SUCLG2: variants seen among roughly 807,000 people sequenced by gnomAD.
SUCLG2 encodes succinate--CoA ligase [GDP-forming] subunit beta, mitochondrial.
Under a neutral mutation model 47.9 loss-of-function variants are expected in SUCLG2, and 42 were observed. The observed-to-expected ratio is 0.88, with a 90% CI of 0.69 to 1.14. SUCLG2 has a LOEUF of 1.14. Ranked by LOEUF, SUCLG2 falls within the 50% of genes most tolerant of loss-of-function variation. SUCLG2 has a pLI of 0.00. For missense variants in SUCLG2, 571 were observed against 525.9 expected, an observed-to-expected ratio of 1.09 and a Z score of -0.84; for synonymous variants, 195 against 197.3, an observed-to-expected ratio of 0.99 and a Z score of 0.10.
At chr3:67,452,946 C>A (rs932356003) in intron 9 of SUCLG2, among the ~76,000 whole-genome samples, 1 of 152,226 alleles carries the variant, frequency 6.6e-6, no homozygotes, top group South Asian at 2.1e-4. Context: ...TTTAAAGGAG[C>A]CTCTGGTATT....
intron 9 of SUCLG2, among the ~76,000 whole-genome samples, chr3:67,427,898 T>C (rs1322124508): frequency 6.6e-6 from 1 of 152,098 alleles, no homozygotes; most frequent in African/African-American, 2.4e-5. Flanking sequence ...AACTGCAAGG[T>C]GGCAGCAAGG....
intron 10 of SUCLG2, among the ~76,000 whole-genome samples, chr3:67,395,089 C>G (rs1208777988): frequency 6.6e-6 from 1 of 151,842 alleles, no homozygotes; most frequent in African/African-American, 2.4e-5. Context: ...TAAAGACCAT[C>G]GAGACTAGGA....
intron 9 of SUCLG2, among the ~76,000 whole-genome samples, chr3:67,406,149 A>C (rs1009503409): frequency 6.6e-6 from 1 of 152,182 alleles, no homozygotes; most frequent in Non-Finnish European, 1.5e-5. Flanking sequence ...AAATTGTGCC[A>C]AATTAGGCAG....
At chr3:67,372,158 G>C (rs1575653257), downstream of SUCLG2, among the ~76,000 whole-genome samples, 1 of 152,176 alleles carries the variant, frequency 6.6e-6, no homozygotes, top group Admixed American at 6.6e-5. Flanking sequence ...ACATGTGATG[G>C]ATGACTATAT....
intron 2 of SUCLG2, among the ~76,000 whole-genome samples, chr3:67,600,018 T>C (rs1708382863): frequency 1.3e-5 from 2 of 152,254 alleles, no homozygotes; most frequent in Non-Finnish European, 2.9e-5. Flanking sequence ...TGGGGAATAG[T>C]GTAGCATCTT....
rs72915999 is a variant in SUCLG2, at chr3:67,620,162, T to A, written c.85-10566A>T. Among the ~76,000 whole-genome samples the A allele has an allele frequency of 4.3e-3, 649 of 152,330 alleles. 9 individuals carry two copies. The highest frequency in any genetic ancestry group is 0.015 in the African/African-American group (623 of 41,572). On this transcript the variant is annotated intron_variant, in intron 1 of 10. Transcript: ENST00000307227. ...TTTGACATCCAAGATCTAGCAGTAATCAGCACAGACAAGTTCTTTGTGGTC... is the reference window on the plus strand; with the variant it reads ...TTTGACATCCAAGATCTAGCAGTAAACAGCACAGACAAGTTCTTTGTGGTC...
intron 1 of SUCLG2, among the ~76,000 whole-genome samples, chr3:67,646,299 C>T (rs563819874): frequency 3.9e-5 from 6 of 152,186 alleles, no homozygotes; most frequent in Admixed American, 6.5e-5. Flanking sequence ...CAGACAATAT[C>T]GAAACAATAA....
intron 5 of SUCLG2, among the ~76,000 whole-genome samples, chr3:67,520,011 A>G (rs4856869): frequency 0.056 from 8,480 of 152,294 alleles, 335 homozygotes; most frequent in East Asian, 0.18. Context: ...GATAGAATCT[A>G]GACTTCATAA....
intron 9 of SUCLG2, among the ~76,000 whole-genome samples, chr3:67,456,465 C>A (rs1445423573): frequency 1.3e-5 from 2 of 152,126 alleles, no homozygotes; most frequent in South Asian, 4.1e-4. Context: ...CTGGAACACA[C>A]TGAATTGAAT....
chr3:67,590,652 C>T (rs952348080), intron 2 of SUCLG2, among the ~76,000 whole-genome samples: 1 of 152,296 alleles, frequency 6.6e-6, no homozygotes, highest in South Asian at 2.1e-4. Flanking sequence ...TCCCAGAAGC[C>T]GAGCAGATGC....
rs116755243 is a variant in SUCLG2 at position 67,596,781 on chromosome 3, T to C, written c.226+12674A>G. Among the ~76,000 whole-genome samples, 1,378 of 152,298 alleles carry C rather than the reference T, an allele frequency of 9.0e-3. 24 individuals are homozygous for C. The highest frequency in any genetic ancestry group is 0.031 in the African/African-American group (1,298 of 41,560). On this transcript the variant is annotated intron_variant, in intron 2 of 10. Transcript: ENST00000307227. ...GGTTTTGAGCCCTCTCATGGTTTCCTTATAGTCCCCTCACTTATAACACAC... is the reference window on the plus strand; with the variant it reads ...GGTTTTGAGCCCTCTCATGGTTTCCCTATAGTCCCCTCACTTATAACACAC...
chr3:67,630,761 T>C (rs1423950178), intron 1 of SUCLG2, among the ~76,000 whole-genome samples: 1 of 152,206 alleles, frequency 6.6e-6, no homozygotes, highest in Non-Finnish European at 1.5e-5. Flanking sequence ...GTGTTCCACA[T>C]GGATACCATC....
rs139025389 is a variant in SUCLG2 at position 67,564,207 on chromosome 3, T to G, written c.227-35021A>C. 1.1e-3 allele frequency among the ~76,000 whole-genome samples: 163 copies of G among 152,290 alleles called. 1 individual carries two copies. Among genetic ancestry groups the G allele is most frequent in the East Asian group, 3.9e-4 (2 of 5,178 alleles). ...GAGCGGCTGCCAGCACAGGAAGTAA[T>G]AGTGTCCATTTTTTGGACTGCATTC... On this transcript the variant is annotated intron_variant, in intron 2 of 10. Coordinates refer to ENST00000307227, the MANE Select transcript of SUCLG2 (RefSeq NM_003848.4).
At chr3:67,516,090 C>T (rs1183621640) in intron 6 of SUCLG2, among the ~76,000 whole-genome samples, 1 of 152,138 alleles carries the variant, frequency 6.6e-6, no homozygotes, top group Non-Finnish European at 1.5e-5. Flanking sequence ...CTCTTTTCCC[C>T]AAGGCACAGC....
intron 9 of SUCLG2, among the ~76,000 whole-genome samples, chr3:67,490,937 G>C (rs1705185986): frequency 6.6e-6 from 1 of 152,146 alleles, no homozygotes; most frequent in South Asian, 2.1e-4. Flanking sequence ...CAAAAGTAAA[G>C]TAAAAGATAA....
At chr3:67,522,825 G>A (rs1056636755) in intron 4 of SUCLG2, among the ~76,000 whole-genome samples, 12 of 150,634 alleles carry the variant, frequency 8.0e-5, no homozygotes, top group African/African-American at 7.5e-5. Flanking sequence ...CACCACACCC[G>A]GCTAATTTTT....
chr3:67,517,988 C>G (rs1023026029), intron 6 of SUCLG2, among the ~76,000 whole-genome samples: 5 of 152,120 alleles, frequency 3.3e-5, no homozygotes, highest in Admixed American at 6.5e-5. Flanking sequence ...TAGAGATTAC[C>G]ATCTATCATG....
At chr3:67,367,633 T>C (rs1455728702) in intron 10 of SUCLG2, among the ~76,000 whole-genome samples, 3 of 152,328 alleles carry the variant, frequency 2.0e-5, no homozygotes, top group East Asian at 3.9e-4. Context: ...TTGTAGAATG[T>C]TCAGCAGCAT....
chr3:67,408,868 A>G (rs1369935780), intron 9 of SUCLG2: 3 of 1,443,378 alleles, frequency 2.1e-6, no homozygotes, highest in Non-Finnish European at 2.7e-6. Context: ...GTCTTACTGT[A>G]AAGTCCATGT....
Sources: gnomAD v4.1 joint callset for allele counts (sites outside exome capture counted in the v4.1 genomes callset) on GRCh38, gnomAD v4.1.1 for gene constraint, MANE v1.5 for transcripts, NCBI Gene and HGNC (gene_info 2026-07-23, HGNC 2026-07-21) for gene names.